GSK3B: variants seen among roughly 807,000 people sequenced by gnomAD.
GSK3B encodes glycogen synthase kinase 3 beta, also known as glycogen synthase kinase-3 beta.
A neutral mutation model predicts 56.4 loss-of-function variants in GSK3B; 15 were observed. The ratio of observed to expected loss-of-function variants is 0.27; its 90% CI spans 0.18 to 0.41. The LOEUF (loss-of-function observed/expected upper bound fraction) is 0.41. Ranked by LOEUF, GSK3B falls within the 10% of genes least tolerant of loss-of-function variation. The pLI is 1.00. For missense variants in GSK3B, 300 were observed against 513.4 expected (o/e 0.58, Z 4.02); for synonymous variants, 181 against 188.9 (o/e 0.96, Z 0.34).
At chr3:119,912,648 A>G (rs1321661517) in intron 6 of GSK3B, 56 bp downstream of exon 6, 5 of 758,820 alleles carry the variant, frequency 6.6e-6, no homozygotes, top group Non-Finnish European at 1.1e-5. Context: ...GTACTAAATT[A>G]CCAAAATCAA....
intron 7 of GSK3B, 74 bp downstream of exon 7, chr3:119,905,681 A>G (rs1234499981): frequency 1.2e-6 from 1 of 864,062 alleles, no homozygotes; most frequent in African/African-American, 1.6e-5. Context: ...TCGTATGTGT[A>G]CATGTGTGAT....
intron 1 of GSK3B, among the ~76,000 whole-genome samples, chr3:120,041,707 C>T (rs559675282): frequency 1.1e-4 from 16 of 152,276 alleles, no homozygotes; most frequent in Non-Finnish European, 2.2e-4. Context: ...GATTACCATA[C>T]AAAGGTCCGG....
At chr3:120,092,625 C>G (rs1302344440) in intron 1 of GSK3B, among the ~76,000 whole-genome samples, 1 of 152,148 alleles carries the variant, frequency 6.6e-6, no homozygotes, top group African/African-American at 2.4e-5. Context: ...TATACGGTGG[C>G]AGGTTGGTAA....
At chr3:119,863,147 T>G (rs944774579) in intron 9 of GSK3B, among the ~76,000 whole-genome samples, 1 of 152,236 alleles carries the variant, frequency 6.6e-6, no homozygotes, top group African/African-American at 2.4e-5. Context: ...TAAACTTCAC[T>G]CACTGAACTC....
At chr3:120,024,609 C>A (rs1001288963) in intron 1 of GSK3B, among the ~76,000 whole-genome samples, 1 of 152,180 alleles carries the variant, frequency 6.6e-6, no homozygotes, top group African/African-American at 2.4e-5. Context: ...AAAACAACAA[C>A]AAACTCCCTA....
intron 2 of GSK3B, among the ~76,000 whole-genome samples, chr3:119,971,962 T>C (rs999497467): frequency 6.6e-6 from 1 of 152,214 alleles, no homozygotes; most frequent in African/African-American, 2.4e-5. Flanking sequence ...CTTTAAAAAT[T>C]AAACTTATTT....
At position 120,028,276 on chromosome 3, in the gene GSK3B, T is replaced by C. The variant is rs1050455832; in HGVS notation, c.89-26037A>G. Among the ~76,000 whole-genome samples the C allele has an allele frequency of 3.9e-5, 6 of 152,330 alleles. No individual in the cohort carries two copies. The East Asian group carries it at 1.2e-3, about 29-fold the overall frequency. On this transcript the variant is annotated intron_variant, in intron 1 of 10. Transcript: ENST00000264235. ...TTAAATAACAATTAATGAGGTATTA[T>C]TACTACTTAATAGATAAAAGAAATG... is the stretch of plus-strand genomic sequence containing the variant.
At chr3:119,852,146 G>A (rs918102632) in intron 9 of GSK3B, among the ~76,000 whole-genome samples, 5 of 152,154 alleles carry the variant, frequency 3.3e-5, no homozygotes, top group Non-Finnish European at 7.4e-5. Context: ...TACTGGTGAT[G>A]TTTCATGTGA....
intron 10 of GSK3B, among the ~76,000 whole-genome samples, chr3:119,831,568 A>G (rs2055599913): frequency 6.6e-6 from 1 of 151,852 alleles, no homozygotes; most frequent in Non-Finnish European, 1.5e-5. Flanking sequence ...GAGGCAGGAG[A>G]ATGGCGTGAA....
intron 2 of GSK3B, among the ~76,000 whole-genome samples, chr3:119,974,827 C>T (rs949769116): frequency 1.1e-4 from 16 of 152,134 alleles, no homozygotes; most frequent in African/African-American, 3.9e-4. Context: ...CTGACATCAC[C>T]AAAGGACGGT....
Position 119,921,835 on chromosome 3 carries a change from C to T in GSK3B, c.477+1538G>A, listed in dbSNP as rs540540833. On this transcript the variant is annotated intron_variant, in intron 4 of 10. Transcript: ENST00000264235. ...AGGTATGACAATGGTAATTTAATTACATTTTAAAAAATAATATCCTGGCCA... is the reference window on the plus strand; with the variant it reads ...AGGTATGACAATGGTAATTTAATTATATTTTAAAAAATAATATCCTGGCCA... 2.0e-5 allele frequency among the ~76,000 whole-genome samples: 3 copies of T among 152,200 alleles called. No individual in the cohort carries two copies. The South Asian group carries it at 6.2e-4, about 32-fold the overall frequency.
At chr3:119,979,321 AC>A (rs2057438767) in intron 2 of GSK3B, among the ~76,000 whole-genome samples, 1 of 151,058 alleles carries the variant, frequency 6.6e-6, no homozygotes, top group Admixed American at 6.6e-5. Flanking sequence ...CTTATTAAAA[AC>A]CCTCTCCGGG....
At chr3:120,088,100 G>A (rs967026313) in intron 1 of GSK3B, among the ~76,000 whole-genome samples, 2 of 152,102 alleles carry the variant, frequency 1.3e-5, no homozygotes, top group Admixed American at 1.3e-4. Context: ...CCCCACGTTG[G>A]CCAGGATGGT....
chr3:119,821,910 G>A lies in GSK3B; in HGVS notation c.*4878C>T, dbSNP rs114683853. ...TGCAGCGGCAAAATAGTAGGGTGAA[G>A]GAAGAGGGTTGGGTACTGAAATAAA... On this transcript the variant is annotated 3_prime_UTR_variant, in exon 11 of 11. Coordinates refer to ENST00000264235, the MANE Select transcript of GSK3B (RefSeq NM_001146156.2). The A allele has an allele frequency of 9.4e-3, 1,674 of 177,216 alleles. 23 individuals are homozygous for A. Among genetic ancestry groups the A allele is most frequent in the African/African-American group, 0.037 (1,591 of 42,458 alleles). The allele number at this position is 177,216 out of a possible 1,614,324, so 11.0% of individuals were successfully genotyped here.
intron 4 of GSK3B, among the ~76,000 whole-genome samples, chr3:119,922,451 T>C (rs1290450521): frequency 6.8e-6 from 1 of 147,880 alleles, no homozygotes; most frequent in Non-Finnish European, 1.5e-5. Flanking sequence ...TAGTGTATAT[T>C]ATATATACTA....
chr3:119,934,391 A>G (rs766241116), intron 3 of GSK3B, among the ~76,000 whole-genome samples: 5 of 152,086 alleles, frequency 3.3e-5, no homozygotes, highest in Non-Finnish European at 5.9e-5. Flanking sequence ...AAGCAGACAA[A>G]CTCCAATAGT....
rs779952698 is a variant in GSK3B, at chr3:120,093,462, C to T, written c.-28G>A. The T allele has an allele frequency of 7.0e-7, 1 of 1,438,430 alleles. No individual in the cohort carries two copies. Among genetic ancestry groups the T allele is most frequent in the Admixed American group, 1.7e-5 (1 of 59,444 alleles). 89.1% of individuals were successfully genotyped at this position (1,438,430 alleles called of 1,614,324 possible). On this transcript the variant is annotated 5_prime_UTR_variant, in exon 1 of 11. Transcript: ENST00000264235. ...TCACTCTCTTCGCGAATCACCTTTT[C>T]CTTCCTTCCTCCTTTTCTTCCTTTT... is the stretch of plus-strand genomic sequence containing the variant.
chr3:119,907,295 T>C (rs367937845), intron 6 of GSK3B, among the ~76,000 whole-genome samples: 3 of 152,188 alleles, frequency 2.0e-5, no homozygotes, highest in South Asian at 2.1e-4. Flanking sequence ...AATTATGCCT[T>C]CATAAAAAAC....
chr3:119,863,305 A>AGT, intron 9 of GSK3B, 114 bp downstream of exon 9: 1 of 804,904 alleles, frequency 1.2e-6, no homozygotes, highest in Admixed American at 1.9e-5. Flanking sequence ...CACCTACCTA[A>AGT]GTACTTAATA....
Sources: allele counts gnomAD v4.1 joint callset (sites outside exome capture counted in the v4.1 genomes callset), GRCh38; gene constraint gnomAD v4.1.1; transcripts MANE v1.5; gene names NCBI Gene and HGNC (gene_info 2026-07-23, HGNC 2026-07-21).